SH3RF3: variants seen among roughly 807,000 people sequenced by gnomAD.
The protein encoded by SH3RF3 is SH3 domain containing ring finger 3, also known as E3 ubiquitin-protein ligase SH3RF3.
SH3RF3 carries 29 observed loss-of-function variants against 66.3 expected under a neutral mutation model. That is an observed-to-expected ratio of 0.44 (90% confidence interval 0.33 to 0.60). The LOEUF is 0.60. SH3RF3 is among the 20% of genes least tolerant of loss of function. The pLI, the probability that SH3RF3 is intolerant of heterozygous loss-of-function variation, is 0.04. For synonymous variants in SH3RF3, 583 were observed against 532.0 expected (o/e 1.10, Z -1.32); for missense variants, 1,194 against 1,190.9 (o/e 1.00, Z -0.04).
intron 1 of SH3RF3, among the ~76,000 whole-genome samples, chr2:109,262,316 CGGTGGAAAAGCACCAGGAGGGT>C (rs1558988846): frequency 6.6e-6 from 1 of 152,174 alleles, no homozygotes; most frequent in African/African-American, 2.4e-5. Context: ...CGAGTAACCA[CGGTGGAAAAGCACCAGGAGGGT>C]GGTGCTTTCA....
At chr2:109,304,322 T>C (rs936005586) in intron 1 of SH3RF3, among the ~76,000 whole-genome samples, 1 of 152,200 alleles carries the variant, frequency 6.6e-6, no homozygotes, top group Non-Finnish European at 1.5e-5. Context: ...CTCCAACATA[T>C]AAGTGAGATC....
chr2:109,447,063 A>T (rs1449046195), intron 7 of SH3RF3, among the ~76,000 whole-genome samples: 1 of 150,268 alleles, frequency 6.7e-6, no homozygotes, highest in Non-Finnish European at 1.5e-5. Flanking sequence ...TGATTGCCTG[A>T]CCTGCTCTCC....
chr2:109,337,970 G>A (rs1014739063), intron 1 of SH3RF3, among the ~76,000 whole-genome samples: 5 of 152,096 alleles, frequency 3.3e-5, no homozygotes, highest in South Asian at 2.1e-4. Context: ...GAGTTCAAGT[G>A]ATCTGCCTGC....
chr2:109,426,799 C>T (rs1171066291), intron 5 of SH3RF3, among the ~76,000 whole-genome samples: 1 of 151,966 alleles, frequency 6.6e-6, no homozygotes, highest in African/African-American at 2.4e-5. Flanking sequence ...TGTAGCAAAC[C>T]TCATTGCTGT....
intron 4 of SH3RF3, among the ~76,000 whole-genome samples, chr2:109,415,664 G>C (rs1676704549): frequency 6.6e-6 from 1 of 152,100 alleles, no homozygotes; most frequent in Non-Finnish European, 1.5e-5. Flanking sequence ...CTGAAGACCA[G>C]AACACTCTCA....
Position 109,501,839 on chromosome 2 carries a change from C to T in SH3RF3, c.*168C>T. ...GGGCCAGGGACTGTGGAGGTCGTGCCTTCTCCCAAAACCCCCAAACGGAGA... is the reference window on the plus strand; with the variant it reads ...GGGCCAGGGACTGTGGAGGTCGTGCTTTCTCCCAAAACCCCCAAACGGAGA... On this transcript the variant is annotated 3_prime_UTR_variant, in exon 10 of 10. Transcript: ENST00000309415. The T allele has an allele frequency of 3.4e-6, 2 of 588,262 alleles. No individual in the cohort carries two copies. The highest frequency in any genetic ancestry group is 6.1e-6 in the Non-Finnish European group (2 of 330,042). The allele number at this position is 588,262 out of a possible 1,614,324, so 36.4% of individuals were successfully genotyped here.
chr2:109,206,428 A>T (rs1395989705), intron 1 of SH3RF3, among the ~76,000 whole-genome samples: 1 of 139,824 alleles, frequency 7.2e-6, no homozygotes, highest in Non-Finnish European at 1.5e-5. Context: ...GAGGCAGAGC[A>T]TGCAGTTAAC....
intron 1 of SH3RF3, among the ~76,000 whole-genome samples, chr2:109,344,101 C>G (rs1682625121): frequency 6.6e-6 from 1 of 152,268 alleles, no homozygotes. Context: ...TGACTCAGGA[C>G]TAACCTGAGT....
At chr2:109,340,074 G>A (rs147207395) in intron 1 of SH3RF3, among the ~76,000 whole-genome samples, 9 of 152,236 alleles carry the variant, frequency 5.9e-5, no homozygotes, top group African/African-American at 1.4e-4. Flanking sequence ...AGCAGTAATC[G>A]GGTTATCGGG....
At chr2:109,214,079 G>T (rs1679054181) in intron 1 of SH3RF3, among the ~76,000 whole-genome samples, 1 of 152,200 alleles carries the variant, frequency 6.6e-6, no homozygotes, top group Non-Finnish European at 1.5e-5. Context: ...GTCACTGGAC[G>T]GCGAGGAGGA....
chr2:109,225,993 C>A (rs1055073512), intron 1 of SH3RF3, among the ~76,000 whole-genome samples: 1 of 152,178 alleles, frequency 6.6e-6, no homozygotes, highest in African/African-American at 2.4e-5. Flanking sequence ...AATGAATCAC[C>A]AAAATACCAT....
At chr2:109,466,736 T>G (rs553064642) in intron 8 of SH3RF3, among the ~76,000 whole-genome samples, 34 of 152,344 alleles carry the variant, frequency 2.2e-4, no homozygotes, top group African/African-American at 7.0e-4. Context: ...CAATTCATTC[T>G]GAGTGTGTGC....
intron 8 of SH3RF3, among the ~76,000 whole-genome samples, chr2:109,454,501 C>CAAGT (rs1342373503): frequency 6.6e-6 from 1 of 152,202 alleles, no homozygotes; most frequent in Non-Finnish European, 1.5e-5. Flanking sequence ...TGCAGTTGAC[C>CAAGT]AAGTCCACAC....
chr2:109,218,774 A>G (rs1246822599), intron 1 of SH3RF3, among the ~76,000 whole-genome samples: 1 of 152,148 alleles, frequency 6.6e-6, no homozygotes, highest in African/African-American at 2.4e-5. Flanking sequence ...GGCTCTGACT[A>G]TATTTGCTGT....
intron 1 of SH3RF3, among the ~76,000 whole-genome samples, chr2:109,323,322 A>T (rs1290042023): frequency 6.6e-6 from 1 of 152,220 alleles, no homozygotes; most frequent in Non-Finnish European, 1.5e-5. Context: ...GACACAGAGG[A>T]AGACAAACTG....
chr2:109,130,565 G>T (rs1166278854), intron 1 of SH3RF3, among the ~76,000 whole-genome samples: 3 of 152,130 alleles, frequency 2.0e-5, no homozygotes, highest in African/African-American at 7.2e-5. Flanking sequence ...TCCTGCCTGC[G>T]GTGTGGCTAA....
At chr2:109,168,860 CAAAT>C (rs1433182542) in intron 1 of SH3RF3, among the ~76,000 whole-genome samples, 2 of 152,226 alleles carry the variant, frequency 1.3e-5, no homozygotes, top group Non-Finnish European at 2.9e-5. Flanking sequence ...TCTTTGGAAA[CAAAT>C]GAATGGAACG....
chr2:109,187,681 T>C (rs1678228335), intron 1 of SH3RF3, among the ~76,000 whole-genome samples: 1 of 152,210 alleles, frequency 6.6e-6, no homozygotes, highest in African/African-American at 2.4e-5. Context: ...GTTCACACAA[T>C]GATGTCACCC....
At chr2:109,420,508 C>T (rs528068644) in intron 5 of SH3RF3, among the ~76,000 whole-genome samples, 4 of 152,088 alleles carry the variant, frequency 2.6e-5, no homozygotes, top group Non-Finnish European at 4.4e-5. Context: ...TGCAATGGCG[C>T]GATCCCGGCT....
Sources: gnomAD v4.1 joint callset for allele counts (sites outside exome capture counted in the v4.1 genomes callset) on GRCh38, gnomAD v4.1.1 for gene constraint, MANE v1.5 for transcripts, NCBI Gene and HGNC (gene_info 2026-07-23, HGNC 2026-07-21) for gene names.